TBC1D15: variants seen among roughly 807,000 people sequenced by gnomAD.
TBC1D15 encodes TBC1 domain family member 15, also known as GAP for RAB7.
In TBC1D15, 39 loss-of-function variants were observed where a neutral mutation model predicts 95.4. The observed-to-expected ratio is 0.41, with a 90% confidence interval of 0.32 to 0.53. The LOEUF is 0.53. TBC1D15 is among the 20% of genes least tolerant of loss of function. TBC1D15 has a pLI of 0.29. For synonymous variants in TBC1D15, 258 were observed against 261.3 expected (o/e 0.99, Z 0.12); for missense variants, 733 against 794.3 (o/e 0.92, Z 0.93).
At chr12:71,868,395 G>A (rs183225328) in intron 1 of TBC1D15, among the ~76,000 whole-genome samples, 2 of 152,076 alleles carry the variant, frequency 1.3e-5, no homozygotes, top group Admixed American at 6.5e-5. Context: ...ACAGGCACCC[G>A]CCACCATGCC....
intron 11 of TBC1D15, among the ~76,000 whole-genome samples, chr12:71,910,957 G>T (rs1902108828): frequency 1.3e-5 from 2 of 152,202 alleles, no homozygotes; most frequent in East Asian, 3.9e-4. Context: ...CAAAAAGTGG[G>T]CGAAGGACAT....
chr12:71,867,413 A>G (rs1182872528), intron 1 of TBC1D15, among the ~76,000 whole-genome samples: 1 of 152,178 alleles, frequency 6.6e-6, no homozygotes, highest in East Asian at 1.9e-4. Context: ...TCTTTCCTCA[A>G]TTTATTCTTT....
At chr12:71,877,215 T>G (rs1380043576) in intron 3 of TBC1D15, among the ~76,000 whole-genome samples, 1 of 151,400 alleles carries the variant, frequency 6.6e-6, no homozygotes, top group African/African-American at 2.4e-5. Flanking sequence ...TGTGTGTTTT[T>G]TTTTTTTTTA....
chr12:71,862,879 A>G (rs1890681586), intron 1 of TBC1D15, among the ~76,000 whole-genome samples: 1 of 152,192 alleles, frequency 6.6e-6, no homozygotes, highest in Non-Finnish European at 1.5e-5. Context: ...TTCCAGATAT[A>G]GGACTCCTTT....
At chr12:71,876,310 T>C (rs966355089) in intron 3 of TBC1D15, among the ~76,000 whole-genome samples, 6 of 152,188 alleles carry the variant, frequency 3.9e-5, no homozygotes, top group African/African-American at 1.4e-4. Flanking sequence ...CTATTTTTTT[T>C]TCCAATTTAC....
intron 1 of TBC1D15, among the ~76,000 whole-genome samples, chr12:71,860,030 T>C (rs1595025): frequency 5.3e-5 from 8 of 152,348 alleles, no homozygotes; most frequent in African/African-American, 1.4e-4. Flanking sequence ...TGTTTCTTCC[T>C]CAATGAATGT....
At chr12:71,846,519 A>G (rs1256463105) in intron 1 of TBC1D15, among the ~76,000 whole-genome samples, 1 of 152,150 alleles carries the variant, frequency 6.6e-6, no homozygotes, top group Non-Finnish European at 1.5e-5. Flanking sequence ...ATTGAATTTT[A>G]TACAGTCAGT....
At chr12:71,841,229 C>G (rs1884921608) in intron 1 of TBC1D15, 1 of 152,190 alleles carries the variant, frequency 6.6e-6, no homozygotes. Flanking sequence ...CTCCCTCTTT[C>G]AGGTTTGGAT....
intron 1 of TBC1D15, chr12:71,854,498 G>T (rs1888566452): frequency 2.2e-6 from 1 of 450,868 alleles, no homozygotes; most frequent in African/African-American, 2.0e-5. Context: ...TTTCTCCCAA[G>T]ATTTTACCAT....
At chr12:71,865,042 G>A (rs1272132337) in intron 1 of TBC1D15, among the ~76,000 whole-genome samples, 1 of 152,206 alleles carries the variant, frequency 6.6e-6, no homozygotes, top group Non-Finnish European at 1.5e-5. Context: ...ACTTAGCTGA[G>A]GGTGTCTAAG....
At chr12:71,894,293 C>G in intron 6 of TBC1D15, 2 of 1,603,634 alleles carry the variant, frequency 1.2e-6, no homozygotes, top group Non-Finnish European at 1.7e-6. Flanking sequence ...CATGGTGGTA[C>G]ACACTTCAAG....
rs1378711925 is a variant in TBC1D15 at position 71,873,755 on chromosome 12, A to G, written c.204+752A>G. On this transcript the variant is annotated intron_variant, in intron 3 of 16. Transcript: ENST00000485960. ...TTATCTTTTTAATTTTAGTAAACCT[A>G]GTGGATATGAAGTTCTATTTGTTTC... 5.3e-5 allele frequency among the ~76,000 whole-genome samples: 8 copies of G among 152,212 alleles called. No individual in the cohort carries two copies. The East Asian group carries it at 1.5e-3, about 29-fold the overall frequency.
intron 12 of TBC1D15, among the ~76,000 whole-genome samples, chr12:71,916,297 T>C (rs568389012): frequency 6.6e-6 from 1 of 152,284 alleles, no homozygotes; most frequent in African/African-American, 2.4e-5. Flanking sequence ...TGGACATGTT[T>C]CTTTTTTACA....
chr12:71,873,969 G>A (rs1459806292), intron 3 of TBC1D15, among the ~76,000 whole-genome samples: 1 of 152,162 alleles, frequency 6.6e-6, no homozygotes, highest in Non-Finnish European at 1.5e-5. Flanking sequence ...TCCTTGGTTT[G>A]TAGATGGTGT....
intron 1 of TBC1D15, among the ~76,000 whole-genome samples, chr12:71,864,570 T>A (rs1183217051): frequency 6.6e-6 from 1 of 151,514 alleles, no homozygotes; most frequent in Non-Finnish European, 1.5e-5. Flanking sequence ...TGCAGTGGCA[T>A]GATCTTGGCT....
rs1895922933 is a variant in TBC1D15, at chr12:71,884,896, G to A, written c.429G>A (p.Glu143=). 6.2e-7 allele frequency: 1 copy of A among 1,614,040 alleles called. No homozygotes were observed. Among genetic ancestry groups the A allele is most frequent in the Non-Finnish European group, 8.5e-7 (1 of 1,179,956 alleles). ...TGAAATCAATCAAGCAAAACAAAGA[G>A]GGTATGGGCTGGTCCTATTTGGTAT... The part of the protein sequence containing the change: ...TDLKSIKQNK[E]GMGWSYLVFC... The change falls in exon 5 of 17, where the codon GAG becomes GAA. Residue 143 remains glutamate (E), a synonymous_variant. Coordinates refer to ENST00000485960, the MANE Select transcript of TBC1D15 (RefSeq NM_001146213.3).
Position 71,880,586 on chromosome 12 carries a change from A to G in TBC1D15, c.322A>G (p.Arg108Gly). The stretch of plus-strand genomic sequence containing the variant: ...CATGGTTAATACAGTTTCATTTAAA[A>G]GGAAACCACATACCAATGGAGGTAT... ...WDMVNTVSFKRKPHTNGDAPS... is the reference protein window; with the variant it reads ...WDMVNTVSFKGKPHTNGDAPS... The change falls in exon 4 of 17, where the codon AGG (arginine) becomes GGG (glycine). Residue 108 changes from arginine to glycine, a missense_variant. Coordinates refer to ENST00000485960, the MANE Select transcript of TBC1D15 (RefSeq NM_001146213.3). 6.2e-7 allele frequency: 1 copy of G among 1,610,972 alleles called. No individual in the cohort carries two copies.
intron 1 of TBC1D15, among the ~76,000 whole-genome samples, chr12:71,870,557 A>G (rs1359733590): frequency 6.6e-6 from 1 of 152,240 alleles, no homozygotes; most frequent in Non-Finnish European, 1.5e-5. Context: ...GTTGATTAAC[A>G]TAACACATCC....
chr12:71,911,592 G>C (rs1454852276), intron 11 of TBC1D15, among the ~76,000 whole-genome samples: 81 of 108,256 alleles, frequency 7.5e-4, no homozygotes, highest in Admixed American at 9.6e-4. Context: ...ATGGACACAG[G>C]AAGGGGAACA....
Sources: allele counts gnomAD v4.1 joint callset (sites outside exome capture counted in the v4.1 genomes callset), GRCh38; gene constraint gnomAD v4.1.1; transcripts MANE v1.5; gene names NCBI Gene and HGNC (gene_info 2026-07-23, HGNC 2026-07-21).